The following LRRTM4 variants were observed in gnomAD, a reference collection of about 807,000 sequenced individuals.
LRRTM4 encodes the protein leucine-rich repeat transmembrane neuronal protein 4.
In LRRTM4, 25 loss-of-function variants were observed where a neutral mutation model predicts 47.6. The observed-to-expected ratio is 0.53, with a 90% CI of 0.38 to 0.73. The LOEUF (loss-of-function observed/expected upper bound fraction) is 0.73. Among genes scored for constraint, LRRTM4 ranks in the 30% least tolerant of loss-of-function variants. The pLI, the probability that LRRTM4 is intolerant of heterozygous loss-of-function variation, is 0.00. For synonymous variants in LRRTM4, 311 were observed against 269.5 expected (o/e 1.15, Z -1.51); for missense variants, 638 against 713.4 (o/e 0.89, Z 1.20).
At chr2:76,905,830 G>A (rs541369696) in intron 3 of LRRTM4, among the ~76,000 whole-genome samples, 33 of 152,288 alleles carry the variant, frequency 2.2e-4, no homozygotes, top group African/African-American at 7.9e-4. Context: ...AAGCCTCCAA[G>A]AAATATGGGA....
At chr2:76,784,595 T>C (rs1011198043) in intron 3 of LRRTM4, among the ~76,000 whole-genome samples, 6 of 152,088 alleles carry the variant, frequency 3.9e-5, no homozygotes, top group African/African-American at 1.2e-4. Context: ...GTATCCTATG[T>C]AATTTCACTT....
At chr2:76,763,875 C>A (rs991715990) in intron 3 of LRRTM4, among the ~76,000 whole-genome samples, 3 of 152,014 alleles carry the variant, frequency 2.0e-5, no homozygotes, top group Non-Finnish European at 1.5e-5. Context: ...TTGCCTCTAC[C>A]CACTAGATGT....
chr2:77,489,806 T>C (rs1678066754), intron 3 of LRRTM4, among the ~76,000 whole-genome samples: 1 of 152,220 alleles, frequency 6.6e-6, no homozygotes, highest in Admixed American at 6.5e-5. Context: ...ACACGTTCCA[T>C]ATTTGCAACA....
intron 3 of LRRTM4, among the ~76,000 whole-genome samples, chr2:76,904,301 G>C (rs1673745986): frequency 6.6e-6 from 1 of 152,132 alleles, no homozygotes. Flanking sequence ...TTAAAGAGTA[G>C]AAAATGAACA....
chr2:76,895,847 T>C (rs1232511235), intron 3 of LRRTM4, among the ~76,000 whole-genome samples: 6 of 152,104 alleles, frequency 3.9e-5, no homozygotes, highest in Non-Finnish European at 8.8e-5. Flanking sequence ...ATTACTTACC[T>C]TGACAACTGA....
At chr2:77,485,258 G>A (rs1036463842) in intron 3 of LRRTM4, among the ~76,000 whole-genome samples, 2 of 152,054 alleles carry the variant, frequency 1.3e-5, no homozygotes, top group African/African-American at 2.4e-5. Flanking sequence ...CATATAATCC[G>A]AGGAGAGAGA....
At chr2:76,834,144 A>C (rs1176216394) in intron 3 of LRRTM4, among the ~76,000 whole-genome samples, 1 of 151,344 alleles carries the variant, frequency 6.6e-6, no homozygotes, top group African/African-American at 2.4e-5. Context: ...GGGTTCAAGT[A>C]ATTCTCCTGC....
At chr2:77,311,250 T>C (rs1337309481) in intron 3 of LRRTM4, among the ~76,000 whole-genome samples, 1 of 152,130 alleles carries the variant, frequency 6.6e-6, no homozygotes, top group African/African-American at 2.4e-5. Flanking sequence ...TCTACCTCAT[T>C]TGAGGGTACT....
chr2:77,031,207 AAT>A lies in LRRTM4; in HGVS notation c.1552-282293_1552-282292del, dbSNP rs561683263. 2.9e-3 allele frequency among the ~76,000 whole-genome samples: 444 copies of A among 152,248 alleles called. 1 individual carries two copies. Among genetic ancestry groups the A allele is most frequent in the Admixed American group, 6.6e-3 (101 of 15,282 alleles). On this transcript the variant is annotated intron_variant, in intron 3 of 3. Coordinates refer to ENST00000409884, the MANE Select transcript of LRRTM4 (RefSeq NM_001134745.3). The stretch of plus-strand genomic sequence containing the variant: ...TTAACTATTGTTTGTTTACATGCCA[AAT>A]ATTTGTGTTTTTAAAATAATTTTGT...
At chr2:76,779,782 G>T (rs1273704880) in intron 3 of LRRTM4, among the ~76,000 whole-genome samples, 5 of 152,148 alleles carry the variant, frequency 3.3e-5, no homozygotes, top group African/African-American at 4.8e-5. Flanking sequence ...ATATTGTTTT[G>T]TGTGAATTTG....
At chr2:76,951,825 C>A (rs908092312) in intron 3 of LRRTM4, among the ~76,000 whole-genome samples, 4 of 151,818 alleles carry the variant, frequency 2.6e-5, no homozygotes, top group African/African-American at 9.7e-5. Context: ...TGTTCCCCTC[C>A]CTGTGTCCAT....
At chr2:76,764,465 A>G (rs1673377551) in intron 3 of LRRTM4, among the ~76,000 whole-genome samples, 2 of 152,012 alleles carry the variant, frequency 1.3e-5, no homozygotes, top group Admixed American at 1.3e-4. Context: ...CCCTGTCTCT[A>G]CTAAAAATGC....
rs985099142 is a variant in LRRTM4, at chr2:77,427,273, G to A, written c.1551+91045C>T. ...ATTACAGGCGTGAGCCACCGCACCC[G>A]GCCTAGCTTTATTCTTCTCTAGAAT... On this transcript the variant is annotated intron_variant, in intron 3 of 3. Transcript: ENST00000409884. 3.9e-4 allele frequency among the ~76,000 whole-genome samples: 59 copies of A among 152,108 alleles called. 1 individual carries two copies. The highest frequency in any genetic ancestry group is 6.3e-4 in the Non-Finnish European group (43 of 68,034).
chr2:76,994,326 A>G (rs1024047252), intron 3 of LRRTM4, among the ~76,000 whole-genome samples: 1 of 151,974 alleles, frequency 6.6e-6, no homozygotes, highest in African/African-American at 2.4e-5. Context: ...ATAAAATAAA[A>G]TAATAAATAC....
intron 3 of LRRTM4, among the ~76,000 whole-genome samples, chr2:76,987,215 C>A (rs1040101018): frequency 2.0e-5 from 3 of 151,468 alleles, no homozygotes; most frequent in African/African-American, 7.3e-5. Flanking sequence ...CTTTTTATAA[C>A]CAAAGGTTGT....
chr2:76,927,874 G>T (rs1378310942), intron 3 of LRRTM4, among the ~76,000 whole-genome samples: 1 of 152,090 alleles, frequency 6.6e-6, no homozygotes, highest in South Asian at 2.1e-4. Flanking sequence ...GATGTCAAGG[G>T]TTAAATCAAG....
intron 3 of LRRTM4, among the ~76,000 whole-genome samples, chr2:77,083,934 A>G (rs1680622094): frequency 6.6e-6 from 1 of 150,788 alleles, no homozygotes; most frequent in Admixed American, 6.6e-5. Context: ...CCTCCCGAGT[A>G]GCTGGGACTA....
chr2:77,232,304 G>T (rs968695589), intron 3 of LRRTM4, among the ~76,000 whole-genome samples: 2 of 152,308 alleles, frequency 1.3e-5, no homozygotes, highest in East Asian at 3.9e-4. Flanking sequence ...AAAGAACAGA[G>T]ATTCATTATT....
At position 77,466,550 on chromosome 2, in the gene LRRTM4, A is replaced by T. The variant is rs1676988652; in HGVS notation, c.1551+51768T>A. Among the ~76,000 whole-genome samples the T allele has an allele frequency of 2.6e-5, 4 of 152,134 alleles. No homozygotes were observed. In the South Asian group the frequency reaches 8.3e-4, roughly 32 times the overall value. ...ATTTTATATTATTAGCATTTAAATG[A>T]TATTTCTTATACACTGTTTTTCTTT... is the stretch of plus-strand genomic sequence containing the variant. On this transcript the variant is annotated intron_variant, in intron 3 of 3. Coordinates refer to ENST00000409884, the MANE Select transcript of LRRTM4 (RefSeq NM_001134745.3).
Sources: allele counts gnomAD v4.1 joint callset (sites outside exome capture counted in the v4.1 genomes callset), GRCh38; gene constraint gnomAD v4.1.1; transcripts MANE v1.5; gene names NCBI Gene and HGNC (gene_info 2026-07-23, HGNC 2026-07-21).